PLXDC2: variants seen among roughly 807,000 people sequenced by gnomAD.
The protein encoded by PLXDC2 is plexin domain containing 2.
Under a neutral mutation model 68.9 loss-of-function variants are expected in PLXDC2, and 40 were observed. The observed-to-expected ratio is 0.58, with a 90% CI of 0.45 to 0.76. PLXDC2 has a LOEUF of 0.76. Among genes scored for constraint, PLXDC2 ranks in the 30% least tolerant of loss-of-function variants. The pLI is 0.00. For synonymous variants in PLXDC2, 243 were observed against 234.2 expected (o/e 1.04, Z -0.34); for missense variants, 644 against 661.9 (o/e 0.97, Z 0.30).
Position 20,147,823 on chromosome 10 carries a change from A to C in PLXDC2, c.704A>C (p.Gln235Pro), listed in dbSNP as rs1834099433. 6.2e-7 allele frequency: 1 copy of C among 1,613,360 alleles called. No individual in the cohort carries two copies. The highest frequency in any genetic ancestry group is 1.3e-5 in the African/African-American group (1 of 74,918). ...LVVQWDHVHL[Q>P]DNYNLGSFTF... ...GTCCAGTGGGACCATGTACATCTCCAGGATAATTATAACCTGGGAAGCTTC... is the reference window on the plus strand; with the variant it reads ...GTCCAGTGGGACCATGTACATCTCCCGGATAATTATAACCTGGGAAGCTTC... Residue 235 changes from glutamine (Q) to proline (P), a missense_variant, in exon 6 of 14, where the codon CAG becomes CCG. Around this residue, in one of 3 missense-constraint regions of PLXDC2, gnomAD observed 113 missense variants for 167.1 expected, o/e 0.68. Coordinates refer to ENST00000377252, the MANE Select transcript of PLXDC2 (RefSeq NM_032812.9).
chr10:19,833,316 G>A (rs1836729048), intron 1 of PLXDC2, among the ~76,000 whole-genome samples: 1 of 152,230 alleles, frequency 6.6e-6, no homozygotes, highest in South Asian at 2.1e-4. Flanking sequence ...CGTGGGAACA[G>A]TAAATTGCAG....
In PLXDC2 at chr10:20,108,152, C is replaced by T. The variant is rs565957908; in HGVS notation, c.542-35143C>T. ...GCATTGAATGAAAAATCCGTCGGCACGGCAAGGCAACATTAGCAGTGACTG... is the reference window on the plus strand; with the variant it reads ...GCATTGAATGAAAAATCCGTCGGCATGGCAAGGCAACATTAGCAGTGACTG... On this transcript the variant is annotated intron_variant, in intron 4 of 13. Transcript: ENST00000377252. Among the ~76,000 whole-genome samples, 15 of 152,282 alleles carry T rather than the reference C, an allele frequency of 9.9e-5. No homozygotes were observed. In the South Asian group the frequency reaches 1.2e-3, roughly 13 times the overall value.
chr10:20,212,743 G>A (rs1041238727), intron 10 of PLXDC2, among the ~76,000 whole-genome samples: 3 of 152,072 alleles, frequency 2.0e-5, no homozygotes, highest in African/African-American at 4.8e-5. Context: ...ATGCAGTATT[G>A]CCAGTGTAGC....
chr10:20,193,403 T>C (rs1027686879), intron 9 of PLXDC2, among the ~76,000 whole-genome samples: 1 of 152,088 alleles, frequency 6.6e-6, no homozygotes, highest in Non-Finnish European at 1.5e-5. Flanking sequence ...ACAGTGATAG[T>C]GTGCTATATA....
At position 20,003,929 on chromosome 10, in the gene PLXDC2, G is replaced by A. The variant is rs753805204; in HGVS notation, c.324+1943G>A. ...GGAGAGGTTGCATCAGAGTTCTGTC[G>A]TCACGTACGGTCTGCTCATTGCGTG... On this transcript the variant is annotated intron_variant, in intron 2 of 13. Transcript: ENST00000377252. Among the ~76,000 whole-genome samples, 31 of 152,110 alleles carry A rather than the reference G, an allele frequency of 2.0e-4. 1 individual carries two copies. Among genetic ancestry groups the A allele is most frequent in the Admixed American group, 3.9e-4 (6 of 15,264 alleles).
chr10:20,197,729 G>T (rs534269339), intron 9 of PLXDC2, among the ~76,000 whole-genome samples: 47 of 151,094 alleles, frequency 3.1e-4, no homozygotes, highest in Non-Finnish European at 6.2e-4. Context: ...TGTGATCTCG[G>T]CTCACTGCAA....
intron 9 of PLXDC2, among the ~76,000 whole-genome samples, chr10:20,187,474 G>A (rs182733852): frequency 1.8e-4 from 27 of 151,732 alleles, no homozygotes; most frequent in Non-Finnish European, 3.4e-4. Context: ...CATTTAGTAT[G>A]TCTTGGTGTT....
chr10:20,153,849 T>G (rs2131803835), intron 6 of PLXDC2, among the ~76,000 whole-genome samples: 1 of 152,274 alleles, frequency 6.6e-6, no homozygotes, highest in African/African-American at 2.4e-5. Flanking sequence ...TCTTAAAAAC[T>G]TTCTTTTCAA....
At chr10:20,073,161 G>A (rs1161788053) in intron 4 of PLXDC2, among the ~76,000 whole-genome samples, 1 of 152,232 alleles carries the variant, frequency 6.6e-6, no homozygotes, top group African/African-American at 2.4e-5. Flanking sequence ...TTTCTACATT[G>A]GGTGTGGGAA....
At chr10:20,210,730 C>T (rs1037664402) in intron 9 of PLXDC2, among the ~76,000 whole-genome samples, 3 of 152,110 alleles carry the variant, frequency 2.0e-5, no homozygotes, top group African/African-American at 7.2e-5. Context: ...GTGAAATGCA[C>T]GTAGAGTGGA....
intron 9 of PLXDC2, among the ~76,000 whole-genome samples, chr10:20,201,725 A>G (rs1292492887): frequency 6.6e-6 from 1 of 152,106 alleles, no homozygotes; most frequent in Non-Finnish European, 1.5e-5. Flanking sequence ...AAACATAACT[A>G]CATACCCCAT....
chr10:19,916,272 A>T (rs1268477885), intron 1 of PLXDC2, among the ~76,000 whole-genome samples: 2 of 130,018 alleles, frequency 1.5e-5, no homozygotes, highest in African/African-American at 5.4e-5. Context: ...CAGCCTCCTG[A>T]GTAGCTGGGA....
chr10:20,230,105 A>G (rs1236678663), intron 12 of PLXDC2, among the ~76,000 whole-genome samples: 1 of 152,244 alleles, frequency 6.6e-6, no homozygotes, highest in Non-Finnish European at 1.5e-5. Context: ...ACTAGTAACT[A>G]TTTCAAATGT....
At chr10:20,083,820 GTTTATT>G (rs1265799894) in intron 4 of PLXDC2, among the ~76,000 whole-genome samples, 1 of 152,120 alleles carries the variant, frequency 6.6e-6, no homozygotes, top group African/African-American at 2.4e-5. Flanking sequence ...CACAACACTA[GTTTATT>G]ACATTCAAGA....
intron 1 of PLXDC2, among the ~76,000 whole-genome samples, chr10:19,927,713 C>CAAAAAAAAAAAAAAAAAAAAAAAAG (rs1833562040): frequency 1.9e-5 from 1 of 53,142 alleles, no homozygotes; most frequent in Admixed American, 3.4e-4. Flanking sequence ...GGAAAAAAAG[C>CAAAAAAAAAAAAAAAAAAAAAAAAG]AAAAAAAAAA....
At chr10:19,999,063 G>A (rs1166288295) in intron 1 of PLXDC2, among the ~76,000 whole-genome samples, 3 of 152,166 alleles carry the variant, frequency 2.0e-5, no homozygotes, top group Non-Finnish European at 4.4e-5. Flanking sequence ...GTTCTCTAGA[G>A]AAGGAAGGCA....
Position 20,050,981 on chromosome 10 carries a change from A to G in PLXDC2, c.471+3966A>G, listed in dbSNP as rs1445841063. 2.0e-5 allele frequency among the ~76,000 whole-genome samples: 3 copies of G among 152,126 alleles called. No homozygotes were observed. The East Asian group carries it at 5.8e-4, about 29-fold the overall frequency. On this transcript the variant is annotated intron_variant, in intron 3 of 13. Coordinates refer to ENST00000377252, the MANE Select transcript of PLXDC2 (RefSeq NM_032812.9). ...TCACAAAAGCAAAGACATGGAATCA[A>G]CCTAAATGCCCATCAATGACAGATT...
chr10:20,139,698 T>G (rs1833976013), intron 4 of PLXDC2, among the ~76,000 whole-genome samples: 1 of 152,118 alleles, frequency 6.6e-6, no homozygotes. Flanking sequence ...GTTAACGTCC[T>G]TTGCACGGAT....
intron 9 of PLXDC2, among the ~76,000 whole-genome samples, chr10:20,203,398 G>T (rs1159870810): frequency 6.6e-6 from 1 of 151,140 alleles, no homozygotes; most frequent in Non-Finnish European, 1.5e-5. Flanking sequence ...TCAACCTCCT[G>T]CACTCAAGCA....
Sources: allele counts gnomAD v4.1 joint callset (sites outside exome capture counted in the v4.1 genomes callset), GRCh38; gene constraint gnomAD v4.1.1; regional missense constraint gnomAD v4.1.1; transcripts MANE v1.5; gene names NCBI Gene and HGNC (gene_info 2026-07-23, HGNC 2026-07-21).